Variants in TIPIN observed in about 807,000 individuals in gnomAD.
The protein encoded by TIPIN is TIMELESS interacting protein.
A neutral mutation model predicts 35.6 loss-of-function variants in TIPIN; 29 were observed. The ratio of observed to expected loss-of-function variants is 0.82; its 90% CI spans 0.61 to 1.11. TIPIN has a LOEUF of 1.11. Among genes scored for constraint, TIPIN ranks in the 50% most tolerant of loss-of-function variants. The pLI, the probability that TIPIN is intolerant of heterozygous loss-of-function variation, is 0.00. For synonymous variants in TIPIN, 102 were observed against 121.5 expected (o/e 0.84, Z 1.06); for missense variants, 296 against 345.4 (o/e 0.86, Z 1.13).
At chr15:66,381,375 T>C (rs1022939483) in intron 1 of TIPIN, among the ~76,000 whole-genome samples, 2 of 152,154 alleles carry the variant, frequency 1.3e-5, no homozygotes, top group Non-Finnish European at 2.9e-5. Flanking sequence ...GAGGCGTAGG[T>C]TGCAGTGAGC....
intron 7 of TIPIN, among the ~76,000 whole-genome samples, chr15:66,339,504 G>T (rs2093070435): frequency 6.6e-6 from 1 of 152,094 alleles, no homozygotes; most frequent in Admixed American, 6.6e-5. Flanking sequence ...AAACCAACTT[G>T]CAATTCTTTC....
At chr15:66,343,835 C>T (rs150908492) in intron 6 of TIPIN, among the ~76,000 whole-genome samples, 1 of 152,078 alleles carries the variant, frequency 6.6e-6, no homozygotes, top group African/African-American at 2.4e-5. Flanking sequence ...CCCGTCTCTA[C>T]TAAAAATACA....
intron 1 of TIPIN, among the ~76,000 whole-genome samples, chr15:66,374,974 G>C (rs1204939023): frequency 6.6e-6 from 1 of 152,114 alleles, no homozygotes; most frequent in Non-Finnish European, 1.5e-5. Context: ...CCTCCACCAA[G>C]TGCTGGGATT....
intron 1 of TIPIN, among the ~76,000 whole-genome samples, chr15:66,378,829 G>A (rs1047222196): frequency 8.6e-5 from 13 of 151,678 alleles, no homozygotes; most frequent in Admixed American, 2.6e-4. Flanking sequence ...CTGGACCTCC[G>A]GGGCCTAAGT....
chr15:66,381,702 A>G (rs1301810644), intron 1 of TIPIN, among the ~76,000 whole-genome samples: 1 of 152,044 alleles, frequency 6.6e-6, no homozygotes, highest in South Asian at 2.1e-4. Context: ...TCATGGAAGT[A>G]GAATTACTGA....
intron 1 of TIPIN, among the ~76,000 whole-genome samples, chr15:66,377,414 G>A (rs1386592222): frequency 6.6e-6 from 1 of 152,086 alleles, no homozygotes; most frequent in Non-Finnish European, 1.5e-5. Context: ...ACCTAGGCTG[G>A]AGTGCAGTGG....
chr15:66,364,592 A>G (rs961677652), intron 1 of TIPIN, among the ~76,000 whole-genome samples: 3 of 152,216 alleles, frequency 2.0e-5, no homozygotes, highest in Non-Finnish European at 4.4e-5. Flanking sequence ...TGTATTCAAC[A>G]TGTATACACT....
At chr15:66,379,699 T>C (rs2093310935) in intron 1 of TIPIN, 11 of 1,610,812 alleles carry the variant, frequency 6.8e-6, no homozygotes, top group African/African-American at 4.0e-5. Context: ...TGACTACAAA[T>C]AGTCCGAACG....
chr15:66,379,922 A>C, intron 1 of TIPIN: 1 of 1,384,472 alleles, frequency 7.2e-7, no homozygotes, highest in Non-Finnish European at 1.0e-6. Context: ...TCACTCTCGC[A>C]GTACACACGG....
upstream of TIPIN, among the ~76,000 whole-genome samples, chr15:66,358,897 G>C (rs924758401): frequency 2.0e-5 from 3 of 151,946 alleles, no homozygotes; most frequent in African/African-American, 7.3e-5. Flanking sequence ...ACAATAATTA[G>C]CCAGGTGTGG....
At chr15:66,374,101 T>A (rs2093287326) in intron 1 of TIPIN, among the ~76,000 whole-genome samples, 1 of 152,086 alleles carries the variant, frequency 6.6e-6, no homozygotes, top group African/African-American at 2.4e-5. Context: ...ACTATTTAGA[T>A]TGTTTTAATT....
chr15:66,351,474 T>G (rs1346696089), intron 4 of TIPIN, 51 bp downstream of exon 4: 2 of 1,383,328 alleles, frequency 1.4e-6, no homozygotes, highest in Non-Finnish European at 2.1e-6. Context: ...GGGTCCACAT[T>G]TTTATTGCTA....
chr15:66,385,493 G>C (rs1200912721), intron 1 of TIPIN, among the ~76,000 whole-genome samples: 2 of 151,906 alleles, frequency 1.3e-5, no homozygotes, highest in African/African-American at 4.8e-5. Flanking sequence ...TTGGATTAAA[G>C]TTCTTTTTTT....
intron 1 of TIPIN, among the ~76,000 whole-genome samples, chr15:66,376,016 A>G (rs1023807794): frequency 6.6e-6 from 1 of 152,108 alleles, no homozygotes; most frequent in Non-Finnish European, 1.5e-5. Flanking sequence ...CAAGAGGATC[A>G]CTGATCCCAG....
intron 7 of TIPIN, 37 bp downstream of exon 7, chr15:66,341,113 A>G (rs1406454033): frequency 6.3e-7 from 1 of 1,583,364 alleles, no homozygotes; most frequent in Non-Finnish European, 8.6e-7. Context: ...TCCTTGATAT[A>G]TTAATGGTAG....
intron 1 of TIPIN, chr15:66,379,997 T>TA: frequency 6.1e-5 from 28 of 456,968 alleles, no homozygotes; most frequent in Non-Finnish European, 8.6e-5. Flanking sequence ...TTTCTTTCTT[T>TA]CTTTCTTTTT....
chr15:66,379,652 G>A, intron 1 of TIPIN: 2 of 1,610,468 alleles, frequency 1.2e-6, no homozygotes, highest in Non-Finnish European at 1.7e-6. Context: ...TCTTGTAACG[G>A]AAGCCCAGTG....
At chr15:66,363,439 C>T (rs186122011) in intron 1 of TIPIN, among the ~76,000 whole-genome samples, 7 of 151,970 alleles carry the variant, frequency 4.6e-5, no homozygotes, top group Admixed American at 1.3e-4. Flanking sequence ...GTCAGGAGAT[C>T]GAGACCATCC....
chr15:66,381,607 T>C (rs553299851), intron 1 of TIPIN, among the ~76,000 whole-genome samples: 1 of 152,322 alleles, frequency 6.6e-6, no homozygotes, highest in South Asian at 2.1e-4. Flanking sequence ...TGTTGAATAT[T>C]TAGGTAATTT....
Sources: allele counts gnomAD v4.1 joint callset (sites outside exome capture counted in the v4.1 genomes callset), GRCh38; gene constraint gnomAD v4.1.1; transcripts MANE v1.5; gene names NCBI Gene and HGNC (gene_info 2026-07-23, HGNC 2026-07-21).